Variants in TBX4 observed in about 807,000 individuals in gnomAD.
The protein encoded by TBX4 is T-box transcription factor TBX4.
A neutral mutation model predicts 54.6 loss-of-function variants in TBX4; 13 were observed. The ratio of observed to expected loss-of-function variants is 0.24; its 90% CI spans 0.15 to 0.38. The LOEUF (loss-of-function observed/expected upper bound fraction) is 0.38, where lower values mean the gene tolerates loss of function less well. Among genes scored for constraint, TBX4 ranks in the 10% least tolerant of loss-of-function variants. The pLI is 1.00. For missense variants in TBX4, 631 were observed against 728.5 expected (o/e 0.87, Z 1.54); for synonymous variants, 314 against 306.7 (o/e 1.02, Z -0.25).
intron 5 of TBX4, among the ~76,000 whole-genome samples, chr17:61,470,414 T>C (rs2060568522): frequency 6.6e-6 from 1 of 152,242 alleles, no homozygotes; most frequent in Admixed American, 6.5e-5. Context: ...GATTGAAGTC[T>C]TGGGCCTGGT....
Position 61,479,820 on chromosome 17 carries a change from T to C in TBX4, c.703-61T>C. 1 of 1,533,682 alleles carries C rather than the reference T, an allele frequency of 6.5e-7. No individual in the cohort carries two copies. The highest frequency in any genetic ancestry group is 9.0e-7 in the Non-Finnish European group (1 of 1,106,664). On this transcript the variant is annotated intron_variant, in intron 6 of 8. Coordinates refer to ENST00000644296, the MANE Select transcript of TBX4 (RefSeq NM_001321120.2). The surrounding 1 kb of genome is among the most constrained non-coding windows in gnomAD (Gnocchi z 6.1). ...CATGTTATGATCCCATTTACAAATGTGGAAACTGAGACACATTTGTGTGCC... is the reference window on the plus strand; with the variant it reads ...CATGTTATGATCCCATTTACAAATGCGGAAACTGAGACACATTTGTGTGCC...
At chr17:61,477,334 A>G (rs566755687) in intron 5 of TBX4, among the ~76,000 whole-genome samples, 85 of 152,342 alleles carry the variant, frequency 5.6e-4, no homozygotes, top group African/African-American at 1.4e-3. Context: ...CAAATGAAGC[A>G]GGTTTGGAGC....
rs947363856 is a variant in TBX4, at chr17:61,485,013, A to G, written c.*1497A>G. ...CAGATAAGGCTTTTTTAGAAAACAC[A>G]TTAGCTAACAGGTGATATGGAACTT... On this transcript the variant is annotated 3_prime_UTR_variant, in exon 9 of 9. Coordinates refer to ENST00000644296, the MANE Select transcript of TBX4 (RefSeq NM_001321120.2). This position sits in a 1 kb window ranked among gnomAD's most constrained non-coding sequence, Gnocchi z 4.6. 3 of 150,848 alleles carry G rather than the reference A, an allele frequency of 2.0e-5. No homozygotes were observed. Among genetic ancestry groups the G allele is most frequent in the Admixed American group, 1.3e-4 (2 of 15,114 alleles). The allele number at this position is 150,848 out of a possible 1,614,324, so 9.3% of individuals were successfully genotyped here. A position where few individuals can be genotyped will look rare whatever the true frequency, so the allele number is the denominator to read the frequency against.
At chr17:61,482,820 G>A in intron 8 of TBX4, 77 bp from the exon 9 acceptor site, 5 of 1,590,450 alleles carry the variant, frequency 3.1e-6, no homozygotes, top group Non-Finnish European at 4.3e-6. Context: ...AGGACAGGCT[G>A]TCCCAGCATC....
At position 61,481,037 on chromosome 17, in the gene TBX4, G is replaced by T. The variant is rs1402418961; in HGVS notation, c.1021+718G>T. ...CTTCGGAATGAGCCTGGGGACTTTT[G>T]CTTGCCTTCCGGAATGTTCCCTCAG... On this transcript the variant is annotated intron_variant, in intron 8 of 8. Transcript: ENST00000644296. This position sits in a 1 kb window ranked among gnomAD's most constrained non-coding sequence, Gnocchi z 4.8. 6.6e-6 allele frequency among the ~76,000 whole-genome samples: 1 copy of T among 152,098 alleles called. No homozygotes were observed. The highest frequency in any genetic ancestry group is 6.5e-5 in the Admixed American group (1 of 15,278).
intron 8 of TBX4, among the ~76,000 whole-genome samples, 173 bp from the exon 9 acceptor site, chr17:61,482,724 T>TAAAA (rs2060672834): frequency 6.6e-6 from 1 of 152,148 alleles, no homozygotes. Flanking sequence ...CACTTCTTGG[T>TAAAA]GCCTGCAACC....
In TBX4 at chr17:61,457,536, G is replaced by T. The variant is rs771131325; in HGVS notation, c.187-1G>T. The stretch of plus-strand genomic sequence containing the variant: ...CAAGTTTCTCTCCCTCCCATCCCCA[G>T]ACCATCGAGAACATCAAGGTGGGGC... On this transcript the variant is annotated splice_acceptor_variant, in intron 2 of 8. Transcript: ENST00000644296. LOFTEE classifies it high-confidence loss of function. The surrounding 1 kb of genome is among the most constrained non-coding windows in gnomAD (Gnocchi z 8.2). The T allele has an allele frequency of 6.2e-7, 1 of 1,613,804 alleles. No individual in the cohort carries two copies. The highest frequency in any genetic ancestry group is 1.1e-5 in the South Asian group (1 of 91,018).
chr17:61,462,620 C>T lies in TBX4; in HGVS notation c.282-3199C>T, dbSNP rs1174973119. Reference sequence around the variant, plus strand: ...GACCCAGAGGTAGAGCGCAGAGTGCCCGGGACAGGCGGGCTTCACCGCCAG... The same window carrying T: ...GACCCAGAGGTAGAGCGCAGAGTGCTCGGGACAGGCGGGCTTCACCGCCAG... On this transcript the variant is annotated intron_variant, in intron 3 of 8. Coordinates refer to ENST00000644296, the MANE Select transcript of TBX4 (RefSeq NM_001321120.2). This position sits in a 1 kb window ranked among gnomAD's most constrained non-coding sequence, Gnocchi z 4.5. 6.6e-6 allele frequency among the ~76,000 whole-genome samples: 1 copy of T among 152,126 alleles called. No homozygotes were observed. The highest frequency in any genetic ancestry group is 1.9e-4 in the East Asian group (1 of 5,172).
In TBX4 at chr17:61,456,473, G is replaced by T. The variant is rs764516902; in HGVS notation, c.-3-15G>T. On this transcript the variant is annotated splice_polypyrimidine_tract_variant and intron_variant, in intron 1 of 8. Transcript: ENST00000644296. ...TGGACCTGGGCGAGTGACTCGTTGTGTGCTGTGCCCGCAGGAGATGCTGCA... is the reference window on the plus strand; with the variant it reads ...TGGACCTGGGCGAGTGACTCGTTGTTTGCTGTGCCCGCAGGAGATGCTGCA... The T allele has an allele frequency of 6.4e-7, 1 of 1,562,536 alleles. No individual in the cohort carries two copies. Among genetic ancestry groups the T allele is most frequent in the Admixed American group, 1.9e-5 (1 of 52,620 alleles).
Position 61,456,670 on chromosome 17 carries a change from G to A in TBX4, c.180G>A (p.Ala60=). Residue 60 remains alanine, a synonymous_variant, in exon 2 of 9, where the codon GCG becomes GCA. Transcript: ENST00000644296. ...CCGACGTCGTCGCCGCCGCCGCCGC[G>A]GAGCAGGTAGGGCTGCGCCAGCCGT... is the stretch of plus-strand genomic sequence containing the variant. ...PGADVVAAAA[A]EQTIENIKVG... 1 of 1,360,526 alleles carries A rather than the reference G, an allele frequency of 7.4e-7. No homozygotes were observed. 84.3% of individuals were successfully genotyped at this position (1,360,526 alleles called of 1,614,324 possible). A position where few individuals can be genotyped will look rare whatever the true frequency, so the allele number is the denominator to read the frequency against.
Position 61,465,712 on chromosome 17 carries a change from G to A in TBX4, c.282-107G>A. Reference sequence around the variant, plus strand: ...GCTGTGACCAATGCCAGGATCGCTGGCCAAAAGGGCAGCATCTGTTAGCGG... The same window carrying A: ...GCTGTGACCAATGCCAGGATCGCTGACCAAAAGGGCAGCATCTGTTAGCGG... On this transcript the variant is annotated intron_variant, in intron 3 of 8. Transcript: ENST00000644296. The surrounding 1 kb of genome is among the most constrained non-coding windows in gnomAD (Gnocchi z 4.9). 6.8e-7 allele frequency: 1 copy of A among 1,467,940 alleles called. No homozygotes were observed. The highest frequency in any genetic ancestry group is 9.5e-7 in the Non-Finnish European group (1 of 1,057,918). The allele number at this position is 1,467,940 out of a possible 1,614,324, so 90.9% of individuals were successfully genotyped here.
At position 61,464,596 on chromosome 17, in the gene TBX4, G is replaced by A. The variant is rs371231942; in HGVS notation, c.282-1223G>A. On this transcript the variant is annotated intron_variant, in intron 3 of 8. Transcript: ENST00000644296. The surrounding 1 kb of genome is among the most constrained non-coding windows in gnomAD (Gnocchi z 5.8). ...CAGTGGGGCTTAGTGTCTTCACTGT[G>A]TCTTCAGCTAGGTTTGGATCCTGTT... 5.3e-5 allele frequency among the ~76,000 whole-genome samples: 8 copies of A among 152,310 alleles called. No individual in the cohort carries two copies. In the South Asian group the frequency reaches 1.7e-3, roughly 32 times the overall value.
chr17:61,472,636 C>G lies in TBX4; in HGVS notation c.549+4979C>G, dbSNP rs769306126. ...TTTGATTGAATTGACCAGTCTTTTC[C>G]TTATAGATTTTGGATTTTGAGTTAT... is the stretch of plus-strand genomic sequence containing the variant. On this transcript the variant is annotated intron_variant, in intron 5 of 8. Transcript: ENST00000644296. This position sits in a 1 kb window ranked among gnomAD's most constrained non-coding sequence, Gnocchi z 4.5. 5.5e-4 allele frequency among the ~76,000 whole-genome samples: 84 copies of G among 152,258 alleles called. No individual in the cohort carries two copies. The highest frequency in any genetic ancestry group is 9.4e-4 in the Non-Finnish European group (64 of 68,012).
chr17:61,453,127 G>C (rs1403374368), intron 1 of TBX4: 1 of 439,772 alleles, frequency 2.3e-6, no homozygotes, highest in Non-Finnish European at 3.0e-6. Flanking sequence ...AGGGCTAATC[G>C]GCATAACTGA....
rs2060651767 is a variant in TBX4, at chr17:61,479,991, G to A, written c.791+22G>A. 6.2e-7 allele frequency: 1 copy of A among 1,613,656 alleles called. No individual in the cohort carries two copies. On this transcript the variant is annotated intron_variant, in intron 7 of 8. Coordinates refer to ENST00000644296, the MANE Select transcript of TBX4 (RefSeq NM_001321120.2). This position sits in a 1 kb window ranked among gnomAD's most constrained non-coding sequence, Gnocchi z 6.1. ...AGAGGTGGGGCTGCGTAGCCTGGGG[G>A]TGGGGCGGGCAGATGGGATTCAGGC...
At chr17:61,473,173 T>G (rs990616804) in intron 5 of TBX4, among the ~76,000 whole-genome samples, 1 of 152,274 alleles carries the variant, frequency 6.6e-6, no homozygotes, top group Non-Finnish European at 1.5e-5. Flanking sequence ...CTTCAAAACG[T>G]ATTCAGGTTT....
rs954543618 is a variant in TBX4 at position 61,475,595 on chromosome 17, G to A, written c.550-3032G>A. 3.3e-5 allele frequency among the ~76,000 whole-genome samples: 5 copies of A among 152,146 alleles called. No individual in the cohort carries two copies. The highest frequency in any genetic ancestry group is 7.2e-5 in the African/African-American group (3 of 41,438). On this transcript the variant is annotated intron_variant, in intron 5 of 8. Transcript: ENST00000644296. This position sits in a 1 kb window ranked among gnomAD's most constrained non-coding sequence, Gnocchi z 5.0. ...TTTTATAGATAGAGTCACAGGAATC[G>A]GTCACTGAGTGGACCTGGAGGTGGA... is the stretch of plus-strand genomic sequence containing the variant.
rs1394852501 is a variant in TBX4 at position 61,461,962 on chromosome 17, C to G, written c.282-3857C>G. ...ATCCCCTAGTCTCTGTCCCTTTCCC[C>G]AGGAAAGGGGCTGAGAGTAAGCGCC... is the stretch of plus-strand genomic sequence containing the variant. On this transcript the variant is annotated intron_variant, in intron 3 of 8. Transcript: ENST00000644296. This position sits in a 1 kb window ranked among gnomAD's most constrained non-coding sequence, Gnocchi z 5.1. Among the ~76,000 whole-genome samples, 1 of 152,054 alleles carries G rather than the reference C, an allele frequency of 6.6e-6. No individual in the cohort carries two copies. Among genetic ancestry groups the G allele is most frequent in the Non-Finnish European group, 1.5e-5 (1 of 68,006 alleles).
At chr17:61,454,888 G>A (rs1256513639) in intron 1 of TBX4, among the ~76,000 whole-genome samples, 1 of 152,238 alleles carries the variant, frequency 6.6e-6, no homozygotes, top group Non-Finnish European at 1.5e-5. Context: ...TGGGACCAGC[G>A]GATCGCTTGG....
Sources: gnomAD v4.1 joint callset for allele counts (sites outside exome capture counted in the v4.1 genomes callset) on GRCh38, gnomAD v4.1.1 for gene constraint, Gnocchi (gnomAD v3.1) non-coding constraint, MANE v1.5 for transcripts, NCBI Gene and HGNC (gene_info 2026-07-23, HGNC 2026-07-21) for gene names.